Variants in DDC observed in about 807,000 individuals in gnomAD.
DDC encodes dopa decarboxylase, also known as aromatic-L-amino-acid decarboxylase.
DDC carries 43 observed loss-of-function variants against 60.0 expected under a neutral mutation model. The observed-to-expected ratio is 0.72, with a 90% CI of 0.56 to 0.92. The LOEUF (loss-of-function observed/expected upper bound fraction) is 0.92, where lower values mean the gene tolerates loss of function less well. DDC is among the 40% of genes least tolerant of loss of function. DDC has a pLI of 0.00. For missense variants in DDC, 573 were observed against 620.2 expected, an observed-to-expected ratio of 0.92 and a Z score of 0.81; for synonymous variants, 232 against 234.6, an observed-to-expected ratio of 0.99 and a Z score of 0.10.
intron 6 of DDC, among the ~76,000 whole-genome samples, chr7:50,522,316 T>A (rs1027276808): frequency 6.6e-6 from 1 of 152,142 alleles, no homozygotes; most frequent in Admixed American, 6.5e-5. Flanking sequence ...GGATAGGAAG[T>A]CTCAATATCA....
At chr7:50,461,481 C>T (rs2153532567) in intron 14 of DDC, among the ~76,000 whole-genome samples, 1 of 152,310 alleles carries the variant, frequency 6.6e-6, no homozygotes, top group East Asian at 1.9e-4. Flanking sequence ...TTTGAATCTA[C>T]AGCAAATATA....
In DDC at chr7:50,517,932, G is replaced by A. The variant is rs149019548; in HGVS notation, c.714+10205C>T. Reference sequence around the variant, plus strand: ...GCTGAAAGAAATCATAGATGGGGCCGGGCCTGGTGGCTCACACTTGTAATC... The same window carrying A: ...GCTGAAAGAAATCATAGATGGGGCCAGGCCTGGTGGCTCACACTTGTAATC... On this transcript the variant is annotated intron_variant, in intron 6 of 14. Coordinates refer to ENST00000444124, the MANE Select transcript of DDC (RefSeq NM_001082971.2). Among the ~76,000 whole-genome samples, 1,503 of 151,512 alleles carry A rather than the reference G, an allele frequency of 9.9e-3. 28 individuals carry two copies. Among genetic ancestry groups the A allele is most frequent in the African/African-American group, 0.033 (1,372 of 41,308 alleles).
At chr7:50,507,356 G>A (rs544539366) in intron 6 of DDC, among the ~76,000 whole-genome samples, 1 of 152,174 alleles carries the variant, frequency 6.6e-6, no homozygotes, top group Non-Finnish European at 1.5e-5. Context: ...TCCTGCCTCA[G>A]TCTCCCGAGT....
At chr7:50,527,906 AT>A (rs1161974093) in intron 6 of DDC, 74 of 452,794 alleles carry the variant, frequency 1.6e-4, no homozygotes, top group Non-Finnish European at 2.1e-4. Context: ...TCAAAGATTA[AT>A]TTTTTTTGAG....
At chr7:50,481,882 C>T (rs2042777246) in intron 9 of DDC, among the ~76,000 whole-genome samples, 1 of 152,206 alleles carries the variant, frequency 6.6e-6, no homozygotes. Flanking sequence ...CAAAATAGAC[C>T]TATGAGTTTC....
At chr7:50,547,185 T>G (rs1395279399) in intron 1 of DDC, among the ~76,000 whole-genome samples, 1 of 151,968 alleles carries the variant, frequency 6.6e-6, no homozygotes, top group African/African-American at 2.4e-5. Context: ...ACATTTCTCA[T>G]GTTGATAAAT....
At chr7:50,495,284 T>C in intron 9 of DDC, 66 bp downstream of exon 9, 1 of 1,259,572 alleles carries the variant, frequency 7.9e-7, no homozygotes, top group Non-Finnish European at 1.2e-6. Flanking sequence ...TCTGGCATCT[T>C]CCCTGCCAGC....
chr7:50,497,813 G>A (rs982029671), intron 8 of DDC, among the ~76,000 whole-genome samples: 4 of 152,182 alleles, frequency 2.6e-5, no homozygotes, highest in East Asian at 3.8e-4. Flanking sequence ...GAATGAATGA[G>A]TGAATGATTG....
chr7:50,560,401 ACTTTCCTCC>A (rs1158187642), intron 1 of DDC, among the ~76,000 whole-genome samples: 1 of 152,162 alleles, frequency 6.6e-6, no homozygotes, highest in African/African-American at 2.4e-5. Context: ...GTGACCTCAC[ACTTTCCTCC>A]CTTATTCACA....
chr7:50,506,630 T>C (rs143691111), intron 6 of DDC, among the ~76,000 whole-genome samples: 171 of 152,284 alleles, frequency 1.1e-3, no homozygotes, highest in Non-Finnish European at 2.1e-3. Flanking sequence ...GAAGCACAGA[T>C]AGTAAAAAGG....
At chr7:50,499,035 T>C (rs1454035885) in intron 8 of DDC, 113 bp downstream of exon 8, 1 of 858,632 alleles carries the variant, frequency 1.2e-6, no homozygotes, top group Non-Finnish European at 2.0e-6. Context: ...CAAACATAAT[T>C]GGCTGAAACA....
rs576440422 is a variant in DDC, at chr7:50,525,687, C to T, written c.714+2450G>A. On this transcript the variant is annotated intron_variant, in intron 6 of 14. Transcript: ENST00000444124. ...GCTGAGGTAGGAGACTTACTTGAACCTGGGAGGCAGATGTTGCAGTGAGCC... is the reference window on the plus strand; with the variant it reads ...GCTGAGGTAGGAGACTTACTTGAACTTGGGAGGCAGATGTTGCAGTGAGCC... Among the ~76,000 whole-genome samples, 15 of 152,146 alleles carry T rather than the reference C, an allele frequency of 9.9e-5. No individual in the cohort carries two copies. In the South Asian group the frequency reaches 2.3e-3, roughly 23 times the overall value.
chr7:50,519,096 T>C (rs2043817068), intron 6 of DDC, among the ~76,000 whole-genome samples: 1 of 151,032 alleles, frequency 6.6e-6, no homozygotes. Flanking sequence ...GAATAGACAA[T>C]TCTCAAAAGA....
intron 9 of DDC, among the ~76,000 whole-genome samples, chr7:50,494,070 G>C (rs1367369182): frequency 6.6e-6 from 1 of 152,172 alleles, no homozygotes; most frequent in East Asian, 1.9e-4. Context: ...TAAAACTTTA[G>C]AGAAACTAGT....
chr7:50,529,336 C>T lies in DDC; in HGVS notation c.442G>A (p.Ala148Thr). The change falls in exon 5 of 15, where the codon GCC becomes ACC. Residue 148 changes from alanine (A) to threonine (T), a missense_variant. Transcript: ENST00000444124. The part of the protein sequence containing the change: ...GEGGGVIQGS[A>T]SEATLVALLA... Reference sequence around the variant, plus strand: ...AGGGCCACCAGGGTGGCTTCACTGGCACTTCCCTAAATTCAAGAGAAGGTC... The same window carrying T: ...AGGGCCACCAGGGTGGCTTCACTGGTACTTCCCTAAATTCAAGAGAAGGTC... The T allele has an allele frequency of 6.2e-7, 1 of 1,614,198 alleles. No homozygotes were observed. The highest frequency in any genetic ancestry group is 8.5e-7 in the Non-Finnish European group (1 of 1,180,034).
intron 3 of DDC, among the ~76,000 whole-genome samples, chr7:50,538,656 G>A (rs1178811119): frequency 1.3e-5 from 2 of 152,222 alleles, no homozygotes; most frequent in African/African-American, 4.8e-5. Flanking sequence ...CTCTCTGCTA[G>A]GGATGAGGTA....
In DDC at chr7:50,503,996, T is replaced by C; in HGVS notation, c.778A>G (p.Ile260Val). The change falls in exon 7 of 15, where the codon ATC becomes GTC. Residue 260 changes from isoleucine (I) to valine (V), a missense_variant. Coordinates refer to ENST00000444124, the MANE Select transcript of DDC (RefSeq NM_001082971.2). ...GAAAATGGAATCGGATACTTACAGATAGGACCGACTTCTAAGAGATTGTCA... is the reference window on the plus strand; with the variant it reads ...GAAAATGGAATCGGATACTTACAGACAGGACCGACTTCTAAGAGATTGTCA... ...SFDNLLEVGPICNKEDIWLHV... is the reference protein window; with the variant it reads ...SFDNLLEVGPVCNKEDIWLHV... 1 of 1,612,364 alleles carries C rather than the reference T, an allele frequency of 6.2e-7. No homozygotes were observed. Among genetic ancestry groups the C allele is most frequent in the Non-Finnish European group, 8.5e-7 (1 of 1,178,352 alleles).
At chr7:50,462,615 G>A (rs528937626) in intron 14 of DDC, among the ~76,000 whole-genome samples, 2 of 152,262 alleles carry the variant, frequency 1.3e-5, no homozygotes, top group African/African-American at 2.4e-5. Flanking sequence ...TGTTATGATA[G>A]TAAGTTATCT....
intron 7 of DDC, among the ~76,000 whole-genome samples, chr7:50,500,001 A>G (rs2043212962): frequency 6.6e-6 from 1 of 152,196 alleles, no homozygotes; most frequent in Non-Finnish European, 1.5e-5. Flanking sequence ...GCAAGGGAAT[A>G]TTTACAATGT....
Sources: gnomAD v4.1 joint callset for allele counts (sites outside exome capture counted in the v4.1 genomes callset) on GRCh38, gnomAD v4.1.1 for gene constraint, MANE v1.5 for transcripts, NCBI Gene and HGNC (gene_info 2026-07-23, HGNC 2026-07-21) for gene names.